CYREN: variants seen among roughly 807,000 people sequenced by gnomAD.
CYREN encodes the protein cell cycle regulator of non-homologous end joining.
In CYREN, 7 loss-of-function variants were observed where a neutral mutation model predicts 9.7. The observed-to-expected ratio is 0.72, with a 90% CI of 0.41 to 1.36. The LOEUF (loss-of-function observed/expected upper bound fraction) is 1.36, where lower values mean the gene tolerates loss of function less well. Among genes scored for constraint, CYREN ranks in the 40% most tolerant of loss-of-function variants. The probability of loss-of-function intolerance (pLI) is 0.01; values close to 1 mark genes in which losing one functional copy is unlikely to be tolerated. For missense variants in CYREN, 215 were observed against 198.1 expected, an observed-to-expected ratio of 1.09 and a Z score of -0.51; for synonymous variants, 76 against 77.9, an observed-to-expected ratio of 0.98 and a Z score of 0.13.
intron 2 of CYREN, among the ~76,000 whole-genome samples, chr7:135,124,232 AAGT>A (rs1186577130): frequency 6.6e-6 from 1 of 151,978 alleles, no homozygotes; most frequent in East Asian, 1.9e-4. Context: ...AAAAAAAAAA[AAGT>A]AGGGGTTGCA....
chr7:135,159,549 CTT>C (rs1450624507), intron 2 of CYREN, among the ~76,000 whole-genome samples: 1 of 152,176 alleles, frequency 6.6e-6, no homozygotes, highest in African/African-American at 2.4e-5. Context: ...GGCTGTAACT[CTT>C]GAGTGACAGT....
chr7:135,153,107 A>G (rs2117432127), intron 2 of CYREN: 1 of 152,344 alleles, frequency 6.6e-6, no homozygotes, highest in South Asian at 2.1e-4. Flanking sequence ...CACCAGATAA[A>G]TGCAAATTAA....
intron 2 of CYREN, among the ~76,000 whole-genome samples, chr7:135,107,580 G>A (rs1824932635): frequency 6.6e-6 from 1 of 152,096 alleles, no homozygotes; most frequent in African/African-American, 2.4e-5. Context: ...ATCTAGGAGT[G>A]TGTTGGTTAT....
intron 2 of CYREN, among the ~76,000 whole-genome samples, chr7:135,105,179 C>T (rs1160628289): frequency 1.3e-5 from 2 of 149,994 alleles, no homozygotes; most frequent in Non-Finnish European, 2.9e-5. Context: ...AAGAGATTCT[C>T]TTGCCTCAGC....
At chr7:135,112,344 A>G (rs1825763709) in intron 2 of CYREN, among the ~76,000 whole-genome samples, 1 of 152,218 alleles carries the variant, frequency 6.6e-6, no homozygotes, top group Non-Finnish European at 1.5e-5. Flanking sequence ...TTCAAAACAC[A>G]TTTATTTAGC....
intron 2 of CYREN, among the ~76,000 whole-genome samples, chr7:135,149,385 A>T (rs553258852): frequency 1.3e-5 from 2 of 152,248 alleles, no homozygotes; most frequent in East Asian, 3.9e-4. Context: ...TGCTTTTTCT[A>T]AAAGATGCAT....
In CYREN at chr7:135,135,139, G is replaced by A. The variant is rs555385584; in HGVS notation, n.356+33610C>T. On this transcript the variant is annotated intron_variant and non_coding_transcript_variant, in intron 2 of 2. Coordinates refer to the CYREN transcript ENST00000459937. Reference sequence around the variant, plus strand: ...TCTAAAATATAAGAGTCTTCAAGCTGAAGAAACTAACCAGCAAAGCTCTAA... The same window carrying A: ...TCTAAAATATAAGAGTCTTCAAGCTAAAGAAACTAACCAGCAAAGCTCTAA... The A allele has an allele frequency of 5.8e-6, 9 of 1,551,128 alleles. No individual in the cohort carries two copies. In the South Asian group the frequency reaches 1.1e-4, roughly 18 times the overall value.
chr7:135,128,389 G>A, intron 2 of CYREN: 2 of 571,408 alleles, frequency 3.5e-6, no homozygotes, highest in Non-Finnish European at 6.4e-6. Context: ...TAGCAGTGAG[G>A]ATGATCAGAG....
chr7:135,110,664 T>C (rs1446034943), intron 2 of CYREN, among the ~76,000 whole-genome samples: 1 of 152,178 alleles, frequency 6.6e-6, no homozygotes, highest in Non-Finnish European at 1.5e-5. Context: ...ATGGGTCAAG[T>C]TGTTTTCTTT....
At chr7:135,137,132 A>G (rs1186181931) in intron 2 of CYREN, among the ~76,000 whole-genome samples, 1 of 151,988 alleles carries the variant, frequency 6.6e-6, no homozygotes, top group Non-Finnish European at 1.5e-5. Context: ...TAAAACAACT[A>G]CGATGAATAT....
At chr7:135,127,591 C>G (rs140223595) in intron 2 of CYREN, among the ~76,000 whole-genome samples, 11 of 151,040 alleles carry the variant, frequency 7.3e-5, no homozygotes, top group Admixed American at 6.6e-5. Flanking sequence ...TCACACTGAT[C>G]ATCAGAGAAA....
At chr7:135,100,413 T>C (rs1440098889) in intron 2 of CYREN, among the ~76,000 whole-genome samples, 3 of 152,190 alleles carry the variant, frequency 2.0e-5, no homozygotes, top group Non-Finnish European at 4.4e-5. Context: ...CTATCACCCT[T>C]GGCAAGTTTC....
intron 2 of CYREN, among the ~76,000 whole-genome samples, chr7:135,144,938 TAAAAAAAAAAAAAAA>T (rs58443282): frequency 2.8e-4 from 13 of 45,626 alleles, no homozygotes; most frequent in East Asian, 1.1e-3. Flanking sequence ...CTCAAAAGAG[TAAAAAAAAAAAAAAA>T]AAAAAAAAAA....
intron 2 of CYREN, among the ~76,000 whole-genome samples, chr7:135,122,110 G>A (rs1253348747): frequency 1.3e-5 from 2 of 152,186 alleles, no homozygotes; most frequent in Non-Finnish European, 2.9e-5. Context: ...CCAGCACTGG[G>A]ACTCACAACT....
At chr7:135,109,236 T>C (rs1233150626) in intron 2 of CYREN, among the ~76,000 whole-genome samples, 2 of 152,222 alleles carry the variant, frequency 1.3e-5, no homozygotes, top group African/African-American at 4.8e-5. Context: ...ATGCAGTCAT[T>C]TGAAGGACAT....
chr7:135,149,599 A>G (rs1829622138), intron 2 of CYREN, among the ~76,000 whole-genome samples: 1 of 152,208 alleles, frequency 6.6e-6, no homozygotes, highest in South Asian at 2.1e-4. Flanking sequence ...TTTATTGCCA[A>G]TCTGCCTCCC....
At chr7:135,164,488 G>T, downstream of CYREN, 1 of 1,608,736 alleles carries the variant, frequency 6.2e-7, no homozygotes, top group Non-Finnish European at 8.5e-7. Context: ...CTGTTCATGA[G>T]CATCATAGTC....
At chr7:135,101,317 C>A in intron 2 of CYREN, 1 of 452,772 alleles carries the variant, frequency 2.2e-6, no homozygotes, top group Non-Finnish European at 4.4e-6. Flanking sequence ...TTCATGCATA[C>A]AAAGATGGTT....
chr7:135,112,753 C>T (rs1825815382), intron 2 of CYREN, among the ~76,000 whole-genome samples: 2 of 152,152 alleles, frequency 1.3e-5, no homozygotes, highest in South Asian at 2.1e-4. Context: ...GTGCCAGATA[C>T]ATAATAAGCA....
Sources: allele counts gnomAD v4.1 joint callset (sites outside exome capture counted in the v4.1 genomes callset), GRCh38; gene constraint gnomAD v4.1.1; transcripts MANE v1.5; gene names NCBI Gene and HGNC (gene_info 2026-07-23, HGNC 2026-07-21).